The following MYO15B variants were observed in gnomAD, a reference collection of about 807,000 sequenced individuals.
MYO15B encodes the protein myosin XVB pseudogene.
Under a neutral mutation model 119.3 loss-of-function variants are expected in MYO15B, and 207 were observed. The observed-to-expected ratio is 1.73, with a 90% CI of 1.55 to 1.95. MYO15B has a LOEUF of 1.95. MYO15B is among the 30% of genes most tolerant of loss of function. MYO15B has a pLI of 0.00. For missense variants in MYO15B, 2,264 were observed against 1,203.1 expected, an observed-to-expected ratio of 1.88 and a Z score of -13.04; for synonymous variants, 966 against 498.9, an observed-to-expected ratio of 1.94 and a Z score of -12.48.
intron 63 of MYO15B, 60 bp from the exon 64 acceptor site, chr17:75,626,347 C>T (rs889258846): frequency 2.4e-5 from 17 of 701,804 alleles, no homozygotes; most frequent in Admixed American, 1.0e-4. Flanking sequence ...TGCTGTGGGC[C>T]GGGGCAGAGG....
exon 20 of MYO15B, chr17:75,605,537 C>T: frequency 1.4e-6 from 1 of 702,864 alleles, no homozygotes; most frequent in East Asian, 2.7e-5. Context: ...GGCAGGAAGA[C>T]CTCTCTGACC....
chr17:75,597,742 C>G (rs1266922616), intron 14 of MYO15B, among the ~76,000 whole-genome samples: 1 of 151,958 alleles, frequency 6.6e-6, no homozygotes, highest in Non-Finnish European at 1.5e-5. Context: ...ATGAAAAAAC[C>G]CTGTCTCTAC....
At chr17:75,621,003 G>A in intron 49 of MYO15B, 28 bp from the exon 50 acceptor site, 1 of 702,906 alleles carries the variant, frequency 1.4e-6, no homozygotes, top group Non-Finnish European at 2.6e-6. Flanking sequence ...TGGACACTCA[G>A]GTGGCACCAG....
chr17:75,619,772 A>G (rs779326358), exon 46 of MYO15B: 110 of 702,714 alleles, frequency 1.6e-4, no homozygotes, highest in Non-Finnish European at 2.5e-4. Context: ...CTCCGCCCCG[A>G]CCAGCTGAAG....
exon 46 of MYO15B, chr17:75,619,699 G>T (rs149727509): frequency 1.4e-6 from 1 of 702,764 alleles, no homozygotes; most frequent in Non-Finnish European, 2.6e-6. Flanking sequence ...TGGCAGCGAC[G>T]TGCAGCTGTT....
intron 41 of MYO15B, 166 bp downstream of exon 41, chr17:75,617,470 G>T (rs1302285804): frequency 1.8e-6 from 1 of 553,828 alleles, no homozygotes. Context: ...CAGCTTCCGC[G>T]TTCCCACCCA....
At chr17:75,588,728 C>T in exon 1 of MYO15B, 1 of 397,640 alleles carries the variant, frequency 2.5e-6, no homozygotes, top group Non-Finnish European at 4.4e-6. Flanking sequence ...CGGGAAGGGT[C>T]GTCGGGGACG....
intron 25 of MYO15B, among the ~76,000 whole-genome samples, chr17:75,612,502 G>A (rs555455119): frequency 4.9e-4 from 74 of 152,036 alleles, no homozygotes; most frequent in African/African-American, 1.7e-3. Context: ...GTGAAACCCC[G>A]TCTCTACTAA....
In MYO15B at chr17:75,588,795, GA is replaced by G. The variant is rs1378713308; in HGVS notation, c.739del (p.Thr247ProfsTer122). 2.5e-6 allele frequency: 1 copy of G among 398,496 alleles called. No homozygotes were observed. The highest frequency in any genetic ancestry group is 2.1e-5 in the African/African-American group (1 of 48,638). 24.7% of individuals were successfully genotyped at this position (398,496 alleles called of 1,614,324 possible). On this transcript the variant is annotated frameshift_variant, in exon 1 of 64. Coordinates refer to ENST00000645453, the Ensembl canonical transcript of MYO15B. LOFTEE classifies it high-confidence loss of function. ...GGGACTCCGACTCGAGTCCGCTGGG[GA>G]CCGGACCTGGACGGGGCTCTCGGGC...
chr17:75,594,369 C>T (rs2056708664), intron 9 of MYO15B, 106 bp from the exon 10 acceptor site: 1 of 559,734 alleles, frequency 1.8e-6, no homozygotes, highest in South Asian at 2.5e-5. Flanking sequence ...GACATATCTC[C>T]CCTTTGGTGA....
intron 23 of MYO15B, 39 bp downstream of exon 23, chr17:75,610,998 A>C (rs372114160): frequency 1.7e-4 from 118 of 702,840 alleles, no homozygotes; most frequent in African/African-American, 1.5e-3. Flanking sequence ...ACATGGGGCT[A>C]TGAACCTGCT....
In MYO15B at chr17:75,589,140, T is replaced by C. The variant is rs1275229637; in HGVS notation, c.1083T>C (p.Ala361=). 1 of 391,300 alleles carries C rather than the reference T, an allele frequency of 2.6e-6. No homozygotes were observed. The highest frequency in any genetic ancestry group is 4.5e-5 in the Admixed American group (1 of 22,422). The allele number at this position is 391,300 out of a possible 1,614,324, so 24.2% of individuals were successfully genotyped here. A position where few individuals can be genotyped will look rare whatever the true frequency, so the allele number is the denominator to read the frequency against. ...CCCAGGCCGTGGGCCCCCGCCGCGC[T>C]GGCCTCAAGGAGCGGCTCCTGAGTG... Residue 361 remains alanine, a synonymous_variant, in exon 1 of 64, where the codon GCT becomes GCC. Transcript: ENST00000645453. This position sits in a 1 kb window ranked among gnomAD's most constrained non-coding sequence, Gnocchi z 4.2.
exon 52 of MYO15B, chr17:75,621,508 T>C (rs1395527906): frequency 1.4e-6 from 1 of 702,122 alleles, no homozygotes; most frequent in Non-Finnish European, 2.6e-6. Flanking sequence ...CAGGCTCCCA[T>C]CCAGGAGTCG....
intron 59 of MYO15B, 57 bp from the exon 60 acceptor site, chr17:75,625,066 C>A (rs1483927988): frequency 7.6e-6 from 5 of 661,822 alleles, no homozygotes; most frequent in East Asian, 5.4e-5. Context: ...TCTAGAGCCA[C>A]CAACTGATGG....
intron 14 of MYO15B, chr17:75,600,516 T>C (rs1435732017): frequency 5.9e-5 from 9 of 151,696 alleles, no homozygotes; most frequent in African/African-American, 1.9e-4. Flanking sequence ...GACACCATCA[T>C]AGCTTACTGC....
exon 12 of MYO15B, chr17:75,594,901 G>A (rs566911027): frequency 2.8e-6 from 2 of 703,072 alleles, no homozygotes; most frequent in African/African-American, 3.5e-5. Context: ...GAGAACCAAT[G>A]CACGGCTGGC....
At chr17:75,590,990 C>T in exon 3 of MYO15B, 1 of 581,974 alleles carries the variant, frequency 1.7e-6, no homozygotes, top group Non-Finnish European at 3.1e-6. Context: ...CAAGCTACCA[C>T]CCCAGGAAGG....
At chr17:75,626,311 C>T (rs904771822) in intron 63 of MYO15B, 83 bp downstream of exon 63, 1 of 698,330 alleles carries the variant, frequency 1.4e-6, no homozygotes, top group Non-Finnish European at 2.6e-6. Context: ...GAGCCCAGGC[C>T]CAGGCCGATG....
exon 1 of MYO15B, chr17:75,588,148 G>A (rs543639162): frequency 2.0e-4 from 81 of 398,122 alleles, no homozygotes; most frequent in Admixed American, 8.8e-4. Context: ...GGCCAGCGCG[G>A]ATGGCGCGCC....
Sources: gnomAD v4.1 joint callset for allele counts (sites outside exome capture counted in the v4.1 genomes callset) on GRCh38, gnomAD v4.1.1 for gene constraint, Gnocchi (gnomAD v3.1) non-coding constraint, MANE v1.5 for transcripts, NCBI Gene and HGNC (gene_info 2026-07-23, HGNC 2026-07-21) for gene names.